Variants in IKBKB-DT observed in about 807,000 individuals in gnomAD.
The protein encoded by IKBKB-DT is IKBKB antisense RNA.
exon 2 of IKBKB-DT, chr8:42,265,789 G>C (rs1807361327): frequency 6.6e-6 from 1 of 152,232 alleles, no homozygotes; most frequent in Non-Finnish European, 1.5e-5. Flanking sequence ...CTAAGCTCTT[G>C]TTCCTCCAGA....
intron 3 of IKBKB-DT, among the ~76,000 whole-genome samples, chr8:42,258,331 G>GAGAC (rs1807234711): frequency 6.6e-6 from 1 of 151,582 alleles, no homozygotes; most frequent in African/African-American, 2.4e-5. Context: ...TTTTTGTTTT[G>GAGAC]AGACAGTCTT....
intron 3 of IKBKB-DT, among the ~76,000 whole-genome samples, chr8:42,254,522 G>T (rs1433273031): frequency 1.3e-5 from 2 of 151,122 alleles, no homozygotes; most frequent in African/African-American, 2.4e-5. Context: ...GAAGTGAGGA[G>T]CCCCTCTGCC....
chr8:42,264,098 C>T (rs1173555654), intron 2 of IKBKB-DT, among the ~76,000 whole-genome samples: 1 of 151,450 alleles, frequency 6.6e-6, no homozygotes, highest in Non-Finnish European at 1.5e-5. Flanking sequence ...AGGTGTGAGC[C>T]ACTACGCCCA....
intron 3 of IKBKB-DT, among the ~76,000 whole-genome samples, chr8:42,241,383 G>C (rs1022265899): frequency 6.6e-6 from 1 of 151,732 alleles, no homozygotes; most frequent in Non-Finnish European, 1.5e-5. Context: ...ATAGGAAAAG[G>C]TTATTGTCTG....
At chr8:42,244,303 T>C (rs1251368936) in intron 3 of IKBKB-DT, among the ~76,000 whole-genome samples, 1 of 152,148 alleles carries the variant, frequency 6.6e-6, no homozygotes. Flanking sequence ...GTTATCCTAT[T>C]TGGGAGAAGA....
At chr8:42,235,432 T>C (rs548049976) in intron 3 of IKBKB-DT, among the ~76,000 whole-genome samples, 1 of 152,240 alleles carries the variant, frequency 6.6e-6, no homozygotes, top group Admixed American at 6.5e-5. Flanking sequence ...CTCAAACTCC[T>C]GGCCTCAAGT....
intron 3 of IKBKB-DT, among the ~76,000 whole-genome samples, chr8:42,251,983 C>G (rs1216999986): frequency 6.6e-6 from 1 of 152,160 alleles, no homozygotes; most frequent in Non-Finnish European, 1.5e-5. Flanking sequence ...CCTGTAAAAT[C>G]AAGCTGCAGA....
At chr8:42,262,675 G>A (rs994602215) in intron 3 of IKBKB-DT, among the ~76,000 whole-genome samples, 22 of 152,058 alleles carry the variant, frequency 1.4e-4, no homozygotes, top group African/African-American at 1.4e-4. Flanking sequence ...TCCTGACCTC[G>A]TGATCCGCCC....
At chr8:42,262,459 A>ATTTATTTATTTATTTAT (rs534661232) in intron 3 of IKBKB-DT, among the ~76,000 whole-genome samples, 203 of 124,080 alleles carry the variant, frequency 1.6e-3, no homozygotes, top group African/African-American at 7.4e-3. Context: ...TATTTATTTA[A>ATTTATTTATTTATTTAT]GACAGAGTCT....
chr8:42,244,821 C>T (rs1310316137), intron 3 of IKBKB-DT, among the ~76,000 whole-genome samples: 1 of 152,224 alleles, frequency 6.6e-6, no homozygotes, highest in East Asian at 1.9e-4. Flanking sequence ...GGCTGAACTG[C>T]ACTTCAGTGC....
chr8:42,268,091 G>C (rs28618353), intron 1 of IKBKB-DT, among the ~76,000 whole-genome samples: 8,499 of 151,616 alleles, frequency 0.056, 728 homozygotes, highest in African/African-American at 0.19. Context: ...ACTGGAAATG[G>C]ACTCTCCACA....
chr8:42,270,985 G>A (rs996646150), exon 1 of IKBKB-DT: 1 of 213,746 alleles, frequency 4.7e-6, no homozygotes, highest in African/African-American at 2.4e-5. Flanking sequence ...GGGGGCGCGG[G>A]AAATTCCACC....
intron 3 of IKBKB-DT, among the ~76,000 whole-genome samples, chr8:42,241,698 A>G (rs961291943): frequency 6.6e-6 from 1 of 152,214 alleles, no homozygotes; most frequent in Non-Finnish European, 1.5e-5. Context: ...CAAATGAAAA[A>G]ATAGAAAGCT....
At chr8:42,261,770 C>T (rs1222592660) in intron 3 of IKBKB-DT, among the ~76,000 whole-genome samples, 1 of 152,152 alleles carries the variant, frequency 6.6e-6, no homozygotes, top group Non-Finnish European at 1.5e-5. Flanking sequence ...AGATTCTGAC[C>T]GTTTTGATGA....
chr8:42,248,884 A>C (rs1209506608), intron 3 of IKBKB-DT, among the ~76,000 whole-genome samples: 1 of 151,956 alleles, frequency 6.6e-6, no homozygotes, highest in African/African-American at 2.4e-5. Context: ...AAAAAAAAAA[A>C]AACAAATATC....
intron 1 of IKBKB-DT, among the ~76,000 whole-genome samples, chr8:42,267,696 G>A (rs1807393848): frequency 6.6e-6 from 1 of 152,172 alleles, no homozygotes; most frequent in Non-Finnish European, 1.5e-5. Context: ...TTTTTCTGCT[G>A]AATCTGAAAA....
rs773177896 is a variant in IKBKB-DT at position 42,241,224 on chromosome 8, C to CTTT, written n.1530-7368_1530-7366dup. ...TTGATGCCTTTAGATATGTTGGAAT[C>CTTT]TTTTTTTTTTTTTTTTTTTTTTTTT... On this transcript the variant is annotated intron_variant and non_coding_transcript_variant, in intron 3 of 3. Coordinates refer to ENST00000518213, the Ensembl canonical transcript of IKBKB-DT. Among the ~76,000 whole-genome samples the CTTT allele has an allele frequency of 8.0e-3, 364 of 45,684 alleles. 101 individuals carry two copies. Among genetic ancestry groups the CTTT allele is most frequent in the East Asian group, 0.013 (9 of 674 alleles). The allele number at this position is 45,684 out of a possible 152,430, so 30.0% of individuals were successfully genotyped here.
At chr8:42,252,401 A>G (rs1807140707) in intron 3 of IKBKB-DT, among the ~76,000 whole-genome samples, 1 of 151,748 alleles carries the variant, frequency 6.6e-6, no homozygotes, top group Non-Finnish European at 1.5e-5. Context: ...CTGCTCTTAA[A>G]CTCACTCCTG....
chr8:42,270,491 G>C (rs768349425), intron 1 of IKBKB-DT: 3 of 152,344 alleles, frequency 2.0e-5, no homozygotes, highest in African/African-American at 7.2e-5. Context: ...CAATTTACAG[G>C]GTTGCCCTGA....
Sources: allele counts gnomAD v4.1 joint callset (sites outside exome capture counted in the v4.1 genomes callset), GRCh38; gene constraint gnomAD v4.1.1; transcripts MANE v1.5; gene names NCBI Gene and HGNC (gene_info 2026-07-23, HGNC 2026-07-21).